The following MAGI1 variants were observed in gnomAD, a reference collection of about 807,000 sequenced individuals.
MAGI1 encodes the protein membrane-associated guanylate kinase, WW and PDZ domain-containing protein 1.
Under a neutral mutation model 139.9 loss-of-function variants are expected in MAGI1, and 58 were observed. The ratio of observed to expected loss-of-function variants is 0.41; its 90% confidence interval spans 0.34 to 0.52. MAGI1 has a LOEUF of 0.52. Ranked by LOEUF, MAGI1 falls within the 20% of genes least tolerant of loss-of-function variation. The probability of loss-of-function intolerance (pLI) is 0.12; values close to 1 mark genes in which losing one functional copy is unlikely to be tolerated. For synonymous variants in MAGI1, 812 were observed against 737.9 expected (o/e 1.10, Z -1.63); for missense variants, 1,874 against 1,901.6 (o/e 0.99, Z 0.27).
chr3:65,454,075 A>G (rs556771077), intron 5 of MAGI1, among the ~76,000 whole-genome samples: 1 of 152,024 alleles, frequency 6.6e-6, no homozygotes, highest in African/African-American at 2.4e-5. Flanking sequence ...TCGCCATTCA[A>G]TCATATTAGA....
chr3:65,861,740 A>G (rs1016842090), intron 1 of MAGI1, among the ~76,000 whole-genome samples: 8 of 152,128 alleles, frequency 5.3e-5, no homozygotes, highest in Admixed American at 1.3e-4. Flanking sequence ...CACTCGTACA[A>G]TGAAGAGCAG....
chr3:65,824,243 C>T (rs565056171), intron 1 of MAGI1, among the ~76,000 whole-genome samples: 2 of 152,284 alleles, frequency 1.3e-5, no homozygotes, highest in East Asian at 3.9e-4. Flanking sequence ...CTGCCTTTTC[C>T]CTAAGCCCAT....
chr3:65,946,225 G>A (rs953819153), intron 1 of MAGI1, among the ~76,000 whole-genome samples: 2 of 152,252 alleles, frequency 1.3e-5, no homozygotes, highest in South Asian at 2.1e-4. Flanking sequence ...TAGAAAGGGT[G>A]GTGATGAAGA....
At chr3:65,572,405 A>G (rs1381300830) in intron 2 of MAGI1, among the ~76,000 whole-genome samples, 2 of 152,188 alleles carry the variant, frequency 1.3e-5, no homozygotes, top group Non-Finnish European at 2.9e-5. Context: ...AAGCCAGCCA[A>G]TGTTTCCAGA....
intron 2 of MAGI1, among the ~76,000 whole-genome samples, chr3:65,594,254 T>G (rs2082089279): frequency 6.6e-6 from 1 of 152,162 alleles, no homozygotes; most frequent in South Asian, 2.1e-4. Context: ...TTTTATCAAA[T>G]GGAATCACTT....
chr3:65,940,552 C>A (rs1263297012), intron 1 of MAGI1, among the ~76,000 whole-genome samples: 1 of 152,160 alleles, frequency 6.6e-6, no homozygotes, highest in Non-Finnish European at 1.5e-5. Context: ...ATCTAAATAC[C>A]TCCCAAAGGT....
At chr3:65,973,920 C>T (rs1487856998) in intron 1 of MAGI1, among the ~76,000 whole-genome samples, 1 of 152,080 alleles carries the variant, frequency 6.6e-6, no homozygotes, top group Non-Finnish European at 1.5e-5. Flanking sequence ...CCACTTAAAG[C>T]ATTACATAAT....
At chr3:65,950,106 A>AAAAAAAAAAAAAAAC (rs796698272) in intron 1 of MAGI1, among the ~76,000 whole-genome samples, 8 of 84,204 alleles carry the variant, frequency 9.5e-5, no homozygotes, top group South Asian at 4.9e-4. Flanking sequence ...AAAAAAAAAA[A>AAAAAAAAAAAAAAAC]CAGAACTAGC....
intron 2 of MAGI1, among the ~76,000 whole-genome samples, chr3:65,583,920 A>C (rs2106668234): frequency 6.6e-6 from 1 of 152,212 alleles, no homozygotes; most frequent in South Asian, 2.1e-4. Flanking sequence ...CAAAGGTGAA[A>C]CAGATCACAA....
chr3:65,773,722 G>T (rs2038144929), intron 1 of MAGI1, among the ~76,000 whole-genome samples: 1 of 152,150 alleles, frequency 6.6e-6, no homozygotes, highest in Admixed American at 6.5e-5. Flanking sequence ...AGAACATGGT[G>T]AATTCAGAAG....
intron 3 of MAGI1, among the ~76,000 whole-genome samples, chr3:65,483,651 G>A (rs983376625): frequency 6.6e-5 from 10 of 152,322 alleles, no homozygotes; most frequent in Admixed American, 2.6e-4. Context: ...TCCAACACAC[G>A]TTTCCTGCAG....
chr3:66,016,533 C>T (rs934507329), intron 1 of MAGI1, among the ~76,000 whole-genome samples: 12 of 152,186 alleles, frequency 7.9e-5, no homozygotes, highest in African/African-American at 2.2e-4. Context: ...GGACACGTTG[C>T]TGGCAAGGCT....
intron 17 of MAGI1, 91 bp downstream of exon 17, chr3:65,379,170 A>G: frequency 6.3e-7 from 1 of 1,590,460 alleles, no homozygotes; most frequent in Non-Finnish European, 8.6e-7. Flanking sequence ...GCATTTCTGC[A>G]CGTGAGGTCT....
At chr3:66,000,160 T>C (rs2066669555) in intron 1 of MAGI1, among the ~76,000 whole-genome samples, 1 of 151,942 alleles carries the variant, frequency 6.6e-6, no homozygotes, top group Non-Finnish European at 1.5e-5. Context: ...GTATTTTTAG[T>C]AGAGACAGGG....
Position 65,622,029 on chromosome 3 carries a change from G to C in MAGI1, c.373C>G (p.Pro125Ala). Residue 125 changes from proline to alanine, a missense_variant, in exon 2 of 23, where the codon CCT becomes GCT. Physicochemically the swap from Pro to Ala is conservative, Grantham distance 27. Transcript: ENST00000402939. ...ATGGTCTGCTGGAGCTCATGATCAGGAGACCCCTTCTGGAATCGCTGATTG... is the reference window on the plus strand; with the variant it reads ...ATGGTCTGCTGGAGCTCATGATCAGCAGACCCCTTCTGGAATCGCTGATTG... ...FLNQRFQKGS[P>A]DHELQQTIRD... 2 of 1,614,006 alleles carry C rather than the reference G, an allele frequency of 1.2e-6. No homozygotes were observed. The highest frequency in any genetic ancestry group is 2.7e-5 in the African/African-American group (2 of 75,012).
intron 10 of MAGI1, among the ~76,000 whole-genome samples, chr3:65,435,136 T>C (rs1947742668): frequency 6.6e-6 from 1 of 152,182 alleles, no homozygotes; most frequent in African/African-American, 2.4e-5. Context: ...AGATAAATGT[T>C]TGGTGTTTAA....
intron 1 of MAGI1, among the ~76,000 whole-genome samples, chr3:65,941,946 T>A (rs1282158582): frequency 6.6e-6 from 1 of 152,094 alleles, no homozygotes; most frequent in African/African-American, 2.4e-5. Context: ...TGAGCCATCA[T>A]CCCAACTATT....
At chr3:65,774,922 T>C (rs2038249124) in intron 1 of MAGI1, among the ~76,000 whole-genome samples, 1 of 152,182 alleles carries the variant, frequency 6.6e-6, no homozygotes, top group African/African-American at 2.4e-5. Flanking sequence ...GCTTCAGTTA[T>C]AAAGTTAGGA....
intron 2 of MAGI1, among the ~76,000 whole-genome samples, chr3:65,585,062 C>G (rs1041682130): frequency 2.0e-5 from 3 of 152,188 alleles, no homozygotes; most frequent in African/African-American, 7.2e-5. Flanking sequence ...ATGTGAGGGA[C>G]TCATTTAATC....
Sources: allele counts gnomAD v4.1 joint callset (sites outside exome capture counted in the v4.1 genomes callset), GRCh38; gene constraint gnomAD v4.1.1; transcripts MANE v1.5; gene names NCBI Gene and HGNC (gene_info 2026-07-23, HGNC 2026-07-21).